MYO16: variants seen among roughly 807,000 people sequenced by gnomAD.
MYO16 encodes the protein unconventional myosin-XVI.
MYO16 carries 94 observed loss-of-function variants against 205.3 expected under a neutral mutation model. That is an observed-to-expected ratio of 0.46 (90% CI 0.39 to 0.54). The LOEUF (loss-of-function observed/expected upper bound fraction) is 0.54. Among genes scored for constraint, MYO16 ranks in the 20% least tolerant of loss-of-function variants. The pLI is 0.00. For missense variants in MYO16, 2,315 were observed against 2,387.5 expected, an observed-to-expected ratio of 0.97 and a Z score of 0.63; for synonymous variants, 988 against 954.0, an observed-to-expected ratio of 1.04 and a Z score of -0.66.
intron 27 of MYO16, among the ~76,000 whole-genome samples, chr13:109,080,186 A>G (rs111258383): frequency 3.3e-5 from 5 of 152,186 alleles, no homozygotes; most frequent in African/African-American, 1.2e-4. Flanking sequence ...GAACACTTGT[A>G]TTTCTTAAGA....
the MYO16 span, among the ~76,000 whole-genome samples, chr13:108,516,061 G>A: frequency 2.1e-5 from 3 of 145,850 alleles, no homozygotes; most frequent in South Asian, 2.3e-4. Flanking sequence ...AATGGCGGGC[G>A]CCCCTCCCCC....
At chr13:109,146,161 G>A (rs1187159167) in intron 32 of MYO16, among the ~76,000 whole-genome samples, 2 of 152,104 alleles carry the variant, frequency 1.3e-5, no homozygotes, top group African/African-American at 2.4e-5. Context: ...AGCTCTTGTG[G>A]CATTTTTACT....
rs74591261 is a variant in MYO16 at position 108,605,904 on chromosome 13, C to T, written c.-39+9665C>T. ...GAAGATGTGGAAAAGTTTGGAACTT[C>T]CTAGAGACTAGCTGAATTGTTCTGA... On this transcript the variant is annotated intron_variant, in intron 1 of 24. Transcript: ENST00000251041. 3.2e-4 allele frequency among the ~76,000 whole-genome samples: 48 copies of T among 152,220 alleles called. 1 individual carries two copies. In the East Asian group the frequency reaches 8.7e-3, roughly 28 times the overall value.
intron 21 of MYO16, among the ~76,000 whole-genome samples, chr13:108,997,389 A>C (rs277809): frequency 5.8e-5 from 4 of 69,074 alleles, no homozygotes; most frequent in Admixed American, 1.7e-4. Flanking sequence ...AGAGAGAGAG[A>C]GGGAGGGAGG....
At position 108,866,258 on chromosome 13, in the gene MYO16, TAA is replaced by T; in HGVS notation, c.1425+18_1425+19del. On this transcript the variant is annotated intron_variant, in intron 12 of 34. Coordinates refer to ENST00000457511, the MANE Select transcript of MYO16 (RefSeq NM_001198950.3). ...TTCTTCCATGGTGAGCACAAAATTT[TAA>T]ATATCATTGAATAATGTAGAGTAAT... 10 of 1,518,138 alleles carry T rather than the reference TAA, an allele frequency of 6.6e-6. No individual in the cohort carries two copies. The highest frequency in any genetic ancestry group is 9.1e-6 in the Non-Finnish European group (10 of 1,098,810). The allele number at this position is 1,518,138 out of a possible 1,614,324, so 94.0% of individuals were successfully genotyped here.
At chr13:108,680,320 G>A (rs1034523053) in intron 2 of MYO16, among the ~76,000 whole-genome samples, 7 of 151,980 alleles carry the variant, frequency 4.6e-5, no homozygotes, top group Admixed American at 3.9e-4. Context: ...TATTTGTTTT[G>A]CAAATTAACA....
At chr13:109,079,824 T>C (rs1024596946) in intron 27 of MYO16, among the ~76,000 whole-genome samples, 2 of 152,090 alleles carry the variant, frequency 1.3e-5, no homozygotes, top group African/African-American at 4.8e-5. Flanking sequence ...CAGTTCTTAT[T>C]ATGGAGAACT....
At chr13:108,851,067 T>C (rs944644225) in intron 10 of MYO16, among the ~76,000 whole-genome samples, 3 of 152,150 alleles carry the variant, frequency 2.0e-5, no homozygotes, top group African/African-American at 2.4e-5. Context: ...GTAAGAAGGA[T>C]CTTATTATCT....
intron 21 of MYO16, among the ~76,000 whole-genome samples, chr13:108,997,854 A>G (rs574515732): frequency 5.9e-5 from 9 of 152,328 alleles, no homozygotes; most frequent in African/African-American, 1.7e-4. Flanking sequence ...AGAAGAAAAA[A>G]GAATTGTGAT....
chr13:108,555,185 A>T, the MYO16 span, among the ~76,000 whole-genome samples: 7,928 of 152,268 alleles, frequency 0.052, 651 homozygotes, highest in African/African-American at 0.17. Flanking sequence ...GGCAAAGGAC[A>T]GAAAGTAAAG....
chr13:109,066,995 C>T lies in MYO16; in HGVS notation c.3335+11400C>T, dbSNP rs186339906. Among the ~76,000 whole-genome samples the T allele has an allele frequency of 9.2e-5, 14 of 152,314 alleles. No individual in the cohort carries two copies. The South Asian group carries it at 1.2e-3, about 14-fold the overall frequency. On this transcript the variant is annotated intron_variant, in intron 27 of 34. Coordinates refer to ENST00000457511, the MANE Select transcript of MYO16 (RefSeq NM_001198950.3). ...CCATAACAGCATCCACTCATTCGTT[C>T]ATCATTCATTTCTTCATTCCTTATT...
intron 13 of MYO16, among the ~76,000 whole-genome samples, chr13:108,886,080 C>A (rs1175943834): frequency 6.6e-6 from 1 of 152,022 alleles, no homozygotes; most frequent in Admixed American, 6.5e-5. Flanking sequence ...CTCCGCCTCC[C>A]GGGTTGACGT....
At chr13:108,689,729 G>C (rs1399500942) in intron 2 of MYO16, among the ~76,000 whole-genome samples, 1 of 151,816 alleles carries the variant, frequency 6.6e-6, no homozygotes, top group African/African-American at 2.4e-5. Flanking sequence ...AAAAATAGCA[G>C]CAAAGAAGTT....
the MYO16 span, among the ~76,000 whole-genome samples, chr13:108,551,351 A>T: frequency 6.6e-6 from 1 of 152,272 alleles, no homozygotes; most frequent in African/African-American, 2.4e-5. Context: ...CCCAAAACTG[A>T]GGCTGCTTCT....
At chr13:108,697,940 C>CT (rs767735455) in intron 2 of MYO16, among the ~76,000 whole-genome samples, 2 of 152,090 alleles carry the variant, frequency 1.3e-5, no homozygotes, top group Non-Finnish European at 2.9e-5. Flanking sequence ...CAAGGCTGGT[C>CT]TTGAACTCCT....
At chr13:108,636,361 T>TGTGTG (rs1266809434) in intron 1 of MYO16, among the ~76,000 whole-genome samples, 7 of 95,424 alleles carry the variant, frequency 7.3e-5, no homozygotes, top group Non-Finnish European at 8.5e-5. Flanking sequence ...TTTTTTTTTT[T>TGTGTG]TTTTTTTTTG....
rs16973115 is a variant in MYO16, at chr13:108,785,562, T to C, written c.508-73T>C. On this transcript the variant is annotated intron_variant, in intron 4 of 34. Transcript: ENST00000457511. Reference sequence around the variant, plus strand: ...TTCTGCATCTGTTTCCCAACTAAGATTGAAGTACAACTCCTAATCTGCTTT... The same window carrying C: ...TTCTGCATCTGTTTCCCAACTAAGACTGAAGTACAACTCCTAATCTGCTTT... The C allele has an allele frequency of 5.1e-3, 4,202 of 824,822 alleles. 120 individuals carry two copies. In the African/African-American group the frequency reaches 0.065, roughly 13 times the overall value. The allele number at this position is 824,822 out of a possible 1,614,324, so 51.1% of individuals were successfully genotyped here. A position where few individuals can be genotyped will look rare whatever the true frequency, so the allele number is the denominator to read the frequency against.
intron 15 of MYO16, among the ~76,000 whole-genome samples, chr13:108,907,230 C>T (rs1203468422): frequency 6.6e-6 from 1 of 151,966 alleles, no homozygotes; most frequent in African/African-American, 2.4e-5. Context: ...AGCTGTATAG[C>T]CCTATGAAAT....
At chr13:109,114,658 A>G (rs778036154) in intron 28 of MYO16, among the ~76,000 whole-genome samples, 1 of 152,242 alleles carries the variant, frequency 6.6e-6, no homozygotes, top group Non-Finnish European at 1.5e-5. Flanking sequence ...AGGAAATTGT[A>G]CTATTATTCC....
Sources: gnomAD v4.1 joint callset for allele counts (sites outside exome capture counted in the v4.1 genomes callset) on GRCh38, gnomAD v4.1.1 for gene constraint, MANE v1.5 for transcripts, NCBI Gene and HGNC (gene_info 2026-07-23, HGNC 2026-07-21) for gene names.